FBN1: variants seen among roughly 807,000 people sequenced by gnomAD.
FBN1 encodes the protein fibrillin-1.
FBN1 carries 29 observed loss-of-function variants against 365.1 expected under a neutral mutation model. The ratio of observed to expected loss-of-function variants is 0.08; its 90% CI spans 0.06 to 0.11. The LOEUF (loss-of-function observed/expected upper bound fraction) is 0.11, where lower values mean the gene tolerates loss of function less well. Among genes scored for constraint, FBN1 ranks in the 10% least tolerant of loss-of-function variants. The pLI is 1.00. For synonymous variants in FBN1, 1,210 were observed against 1,270.5 expected, an observed-to-expected ratio of 0.95 and a Z score of 1.01; for missense variants, 2,476 against 3,703.2, an observed-to-expected ratio of 0.67 and a Z score of 8.60.
At chr15:48,423,400 T>G (rs943019998) in intron 60 of FBN1, among the ~76,000 whole-genome samples, 59 of 152,270 alleles carry the variant, frequency 3.9e-4, no homozygotes, top group African/African-American at 1.4e-3. Context: ...TCTCTTATAA[T>G]GCTGCCTGTC....
intron 24 of FBN1, among the ~76,000 whole-genome samples, chr15:48,491,427 T>C (rs1190004002): frequency 2.0e-5 from 3 of 152,048 alleles, no homozygotes; most frequent in Non-Finnish European, 2.9e-5. Context: ...CTCGGCTCAC[T>C]GCAAGCTCCA....
Position 48,441,822 on chromosome 15 carries a change from G to A in FBN1, c.6062C>T (p.Pro2021Leu), listed in dbSNP as rs1246124504. The change falls in exon 50 of 66, where the codon CCA becomes CTA. Residue 2021 changes from proline (P) to leucine (L), a missense_variant. Physicochemically the swap from Pro to Leu is moderately conservative, Grantham distance 98. Coordinates refer to ENST00000316623, the MANE Select transcript of FBN1 (RefSeq NM_000138.5). ...GCATGTGCCCAGGGCACAAATTTCT[G>A]GCTCTTCGACACACTCATCAATATC... The part of the protein sequence containing the change: ...CEDIDECVEE[P>L]EICALGTCSN... 6 of 1,613,512 alleles carry A rather than the reference G, an allele frequency of 3.7e-6. No individual in the cohort carries two copies. Among genetic ancestry groups the A allele is most frequent in the Non-Finnish European group, 5.1e-6 (6 of 1,179,644 alleles).
chr15:48,600,266 C>T (rs769316921), intron 4 of FBN1, 32 bp from the exon 5 acceptor site: 1 of 1,512,796 alleles, frequency 6.6e-7, no homozygotes, highest in Admixed American at 1.7e-5. Context: ...TTCACTTTTG[C>T]AACTTAAATG....
At chr15:48,541,273 C>T (rs535557206) in intron 6 of FBN1, among the ~76,000 whole-genome samples, 104 of 152,194 alleles carry the variant, frequency 6.8e-4, no homozygotes, top group Non-Finnish European at 1.3e-3. Context: ...ATATATTTGG[C>T]GAATACTTTA....
At chr15:48,513,021 A>G (rs1000832633) in intron 13 of FBN1, among the ~76,000 whole-genome samples, 1 of 152,226 alleles carries the variant, frequency 6.6e-6, no homozygotes, top group Non-Finnish European at 1.5e-5. Flanking sequence ...TTCAATGTAC[A>G]TACAGATTGC....
chr15:48,522,614 T>C (rs2043868799), intron 9 of FBN1, among the ~76,000 whole-genome samples: 1 of 152,224 alleles, frequency 6.6e-6, no homozygotes, highest in African/African-American at 2.4e-5. Context: ...TACCTGTAAT[T>C]GTTATCATCT....
At chr15:48,490,868 G>C (rs928869184) in intron 24 of FBN1, among the ~76,000 whole-genome samples, 2 of 152,204 alleles carry the variant, frequency 1.3e-5, no homozygotes, top group Non-Finnish European at 2.9e-5. Context: ...AGAAGGTTCT[G>C]TGAAGCTCAA....
chr15:48,506,437 A>G (rs1317383311), intron 15 of FBN1, among the ~76,000 whole-genome samples: 5 of 152,240 alleles, frequency 3.3e-5, no homozygotes, highest in African/African-American at 1.2e-4. Context: ...TTGAAACAGC[A>G]GTTATATTTA....
intron 50 of FBN1, among the ~76,000 whole-genome samples, chr15:48,441,140 G>A (rs547996267): frequency 1.9e-4 from 29 of 152,220 alleles, no homozygotes; most frequent in Admixed American, 6.5e-4. Context: ...TTTGATTTTT[G>A]TTTAAAATTT....
chr15:48,522,511 T>C (rs2043867959), intron 9 of FBN1, among the ~76,000 whole-genome samples: 1 of 152,156 alleles, frequency 6.6e-6, no homozygotes, highest in African/African-American at 2.4e-5. Flanking sequence ...GTTAAATCCT[T>C]TTGTAAAGCA....
intron 24 of FBN1, among the ~76,000 whole-genome samples, chr15:48,490,988 T>A (rs1042791184): frequency 2.6e-5 from 4 of 152,212 alleles, no homozygotes; most frequent in Non-Finnish European, 5.9e-5. Flanking sequence ...ACTCCCTGGG[T>A]TTCCTCTAAC....
intron 4 of FBN1, among the ~76,000 whole-genome samples, chr15:48,603,719 G>A (rs1329991681): frequency 6.6e-6 from 1 of 152,152 alleles, no homozygotes; most frequent in Non-Finnish European, 1.5e-5. Context: ...AGTACCCCAA[G>A]TCAGAAGATA....
At chr15:48,524,387 A>T (rs1247844563) in intron 9 of FBN1, among the ~76,000 whole-genome samples, 1 of 152,286 alleles carries the variant, frequency 6.6e-6, no homozygotes, top group Non-Finnish European at 1.5e-5. Context: ...CTCATTCCAA[A>T]CAACTGTCTT....
rs74011876 is a variant in FBN1 at position 48,575,161 on chromosome 15, C to G, written c.538+21122G>C. 6.6e-3 allele frequency among the ~76,000 whole-genome samples: 1,007 copies of G among 152,274 alleles called. 10 individuals are homozygous for G. Among genetic ancestry groups the G allele is most frequent in the African/African-American group, 0.023 (957 of 41,548 alleles). On this transcript the variant is annotated intron_variant, in intron 6 of 65. Transcript: ENST00000316623. ...CAGAGATGGCCCCTGCCCACAATCA[C>G]AGATAACAAAATGAGGATGAAAGAG... is the stretch of plus-strand genomic sequence containing the variant.
chr15:48,626,100 T>A (rs1277439292), intron 2 of FBN1, among the ~76,000 whole-genome samples: 1 of 151,722 alleles, frequency 6.6e-6, no homozygotes, highest in Non-Finnish European at 1.5e-5. Context: ...TTCAAAAAAA[T>A]TTTTAAATTA....
intron 6 of FBN1, among the ~76,000 whole-genome samples, chr15:48,563,388 T>C (rs2044238292): frequency 6.6e-6 from 1 of 150,512 alleles, no homozygotes; most frequent in South Asian, 2.1e-4. Context: ...ATGAAGGAGA[T>C]TGCCTCTTGT....
At chr15:48,579,066 T>C (rs1597615448) in intron 6 of FBN1, among the ~76,000 whole-genome samples, 1 of 150,984 alleles carries the variant, frequency 6.6e-6, no homozygotes, top group South Asian at 2.1e-4. Context: ...CTCCAACTTG[T>C]TAAAGCTCGC....
chr15:48,541,229 A>G (rs962610480), intron 6 of FBN1, among the ~76,000 whole-genome samples: 1 of 152,220 alleles, frequency 6.6e-6, no homozygotes, highest in African/African-American at 2.4e-5. Flanking sequence ...AGGCATCCCA[A>G]CAGTCCACAG....
intron 6 of FBN1, among the ~76,000 whole-genome samples, chr15:48,546,236 T>C (rs951144068): frequency 6.6e-6 from 1 of 152,166 alleles, no homozygotes; most frequent in Non-Finnish European, 1.5e-5. Context: ...GAGGAGGTAG[T>C]GAATAAATAG....
Sources: allele counts gnomAD v4.1 joint callset (sites outside exome capture counted in the v4.1 genomes callset), GRCh38; gene constraint gnomAD v4.1.1; transcripts MANE v1.5; gene names NCBI Gene and HGNC (gene_info 2026-07-23, HGNC 2026-07-21).